Variants in PARD3B observed in about 807,000 individuals in gnomAD.
The protein encoded by PARD3B is partitioning defective 3 homolog B.
PARD3B carries 103 observed loss-of-function variants against 130.2 expected under a neutral mutation model. The ratio of observed to expected loss-of-function variants is 0.79; its 90% CI spans 0.67 to 0.93. PARD3B has a LOEUF of 0.93. Ranked by LOEUF, PARD3B falls within the 40% of genes least tolerant of loss-of-function variation. PARD3B has a pLI of 0.00. For synonymous variants in PARD3B, 583 were observed against 553.2 expected, an observed-to-expected ratio of 1.05 and a Z score of -0.76; for missense variants, 1,609 against 1,499.2, an observed-to-expected ratio of 1.07 and a Z score of -1.21.
At chr2:205,067,312 C>A (rs1700456456) in intron 4 of PARD3B, among the ~76,000 whole-genome samples, 2 of 151,660 alleles carry the variant, frequency 1.3e-5, no homozygotes. Flanking sequence ...ATGAGCATGT[C>A]ACCATACCTG....
rs1553542046 is a variant in PARD3B, at chr2:204,563,261, C to CTCTCTCTCTT, written c.120+17147_120+17148insCTCTTTCTCT. On this transcript the variant is annotated intron_variant, in intron 1 of 22. Transcript: ENST00000406610. ...TCTCTCTCTCTCTCTCTCTCTCTCTCTCTCTTTCTCTCTTCTCCCTTTATA... is the reference window on the plus strand; with the variant it reads ...TCTCTCTCTCTCTCTCTCTCTCTCTCTCTCTCTCTTTCTCTTTCTCTCTTCTCCCTTTATA... Among the ~76,000 whole-genome samples, 5 of 142,980 alleles carry CTCTCTCTCTT rather than the reference C, an allele frequency of 3.5e-5. No individual in the cohort carries two copies. The East Asian group carries it at 1.0e-3, about 29-fold the overall frequency. 93.8% of individuals were successfully genotyped at this position (142,980 alleles called of 152,430 possible). A position where few individuals can be genotyped will look rare whatever the true frequency, so the allele number is the denominator to read the frequency against.
intron 10 of PARD3B, among the ~76,000 whole-genome samples, chr2:205,133,524 C>T (rs1417105218): frequency 6.6e-6 from 1 of 152,090 alleles, no homozygotes; most frequent in Non-Finnish European, 1.5e-5. Flanking sequence ...AGTTTGAGAA[C>T]CATTGGAATA....
At chr2:204,764,167 T>C (rs577927748) in intron 2 of PARD3B, among the ~76,000 whole-genome samples, 1 of 152,248 alleles carries the variant, frequency 6.6e-6, no homozygotes, top group East Asian at 1.9e-4. Flanking sequence ...CAGTTGAATA[T>C]AGAGGCTTTT....
intron 2 of PARD3B, among the ~76,000 whole-genome samples, chr2:204,940,554 C>T (rs1688820853): frequency 6.7e-6 from 1 of 149,662 alleles, no homozygotes. Flanking sequence ...ACATGAATAT[C>T]ATTACAAAAA....
intron 13 of PARD3B, among the ~76,000 whole-genome samples, chr2:205,184,361 T>C (rs2035973088): frequency 6.6e-6 from 1 of 152,234 alleles, no homozygotes; most frequent in Non-Finnish European, 1.5e-5. Context: ...AATATGTCAC[T>C]GTAATAGATA....
intron 2 of PARD3B, among the ~76,000 whole-genome samples, chr2:204,800,905 G>A (rs2042543816): frequency 6.6e-6 from 1 of 152,108 alleles, no homozygotes; most frequent in Non-Finnish European, 1.5e-5. Flanking sequence ...ATAAGGAAGG[G>A]GTCCAGTTTC....
At chr2:205,468,702 A>G (rs1489953810) in intron 20 of PARD3B, among the ~76,000 whole-genome samples, 1 of 152,166 alleles carries the variant, frequency 6.6e-6, no homozygotes, top group Non-Finnish European at 1.5e-5. Context: ...GGTGAGCATC[A>G]GGTACTTCTC....
At chr2:204,866,705 G>A (rs886878003) in intron 2 of PARD3B, among the ~76,000 whole-genome samples, 1 of 151,574 alleles carries the variant, frequency 6.6e-6, no homozygotes, top group African/African-American at 2.4e-5. Context: ...ATATGTTTAT[G>A]TATGTATATG....
chr2:205,165,625 G>A (rs973354770), intron 11 of PARD3B, among the ~76,000 whole-genome samples: 5 of 151,616 alleles, frequency 3.3e-5, no homozygotes, highest in Non-Finnish European at 7.4e-5. Context: ...GGCTGAGGCA[G>A]GAGAATTGCT....
At chr2:204,763,511 G>A (rs1335864003) in intron 2 of PARD3B, among the ~76,000 whole-genome samples, 2 of 152,038 alleles carry the variant, frequency 1.3e-5, no homozygotes, top group African/African-American at 4.8e-5. Flanking sequence ...TACTAAAGTG[G>A]TTTCCATTAA....
intron 7 of PARD3B, among the ~76,000 whole-genome samples, chr2:205,120,029 A>G (rs1244400799): frequency 6.6e-6 from 1 of 152,104 alleles, no homozygotes; most frequent in Non-Finnish European, 1.5e-5. Flanking sequence ...CTCGCTGGGC[A>G]TTAGTTGTCA....
intron 22 of PARD3B, among the ~76,000 whole-genome samples, chr2:205,594,429 G>A (rs2054497984): frequency 6.6e-6 from 1 of 152,096 alleles, no homozygotes; most frequent in Admixed American, 6.5e-5. Flanking sequence ...TATTAGCAGA[G>A]GATGCAAACT....
chr2:205,385,703 C>A (rs1332394678), intron 18 of PARD3B, among the ~76,000 whole-genome samples: 4 of 152,050 alleles, frequency 2.6e-5, no homozygotes, highest in African/African-American at 9.7e-5. Context: ...TTTCTGACCC[C>A]CCTGACTCAA....
intron 15 of PARD3B, among the ~76,000 whole-genome samples, chr2:205,217,893 TA>T (rs1176713199): frequency 0.098 from 2,828 of 28,754 alleles, 71 homozygotes; most frequent in African/African-American, 0.13. Context: ...TATATATATA[TA>T]TTTTTTTTTT....
intron 4 of PARD3B, among the ~76,000 whole-genome samples, chr2:205,088,396 AGATT>A (rs1701872761): frequency 6.6e-6 from 1 of 152,174 alleles, no homozygotes; most frequent in South Asian, 2.1e-4. Context: ...GAAAATAAAT[AGATT>A]GTTATATTTC....
chr2:205,493,903 G>A (rs548017630), intron 20 of PARD3B, among the ~76,000 whole-genome samples: 124 of 152,082 alleles, frequency 8.2e-4, no homozygotes, highest in African/African-American at 2.9e-3. Flanking sequence ...GATTACAGGT[G>A]CATGCCACCA....
Position 205,160,960 on chromosome 2 carries a change from G to A in PARD3B, c.1620+2053G>A, listed in dbSNP as rs1242152372. 6.6e-6 allele frequency among the ~76,000 whole-genome samples: 1 copy of A among 152,134 alleles called. No individual in the cohort carries two copies. Among genetic ancestry groups the A allele is most frequent in the East Asian group, 1.9e-4 (1 of 5,186 alleles). On this transcript the variant is annotated intron_variant, in intron 11 of 22. Transcript: ENST00000406610. The surrounding 1 kb of genome is among the most constrained non-coding windows in gnomAD (Gnocchi z 4.0). Reference sequence around the variant, plus strand: ...TGTTCCTAGAGAGCAGGGCCTGTTCGCCTGGAGGTGTCTTGTATGGTGCTA... The same window carrying A: ...TGTTCCTAGAGAGCAGGGCCTGTTCACCTGGAGGTGTCTTGTATGGTGCTA...
At chr2:204,826,498 A>G (rs1424434789) in intron 2 of PARD3B, among the ~76,000 whole-genome samples, 1 of 152,202 alleles carries the variant, frequency 6.6e-6, no homozygotes, top group Non-Finnish European at 1.5e-5. Context: ...TTATGTATCT[A>G]TGGACTACCA....
At position 205,113,549 on chromosome 2, in the gene PARD3B, G is replaced by A; in HGVS notation, c.652G>A (p.Val218Met). 6.2e-7 allele frequency: 1 copy of A among 1,612,922 alleles called. No individual in the cohort carries two copies. The highest frequency in any genetic ancestry group is 1.1e-5 in the South Asian group (1 of 90,982). ...GEGGPLGIHV[V>M]PFFSSLSGRI... ...AGGAGGCCCATTGGGAATACATGTA[G>A]TGCCCTTCTTTTCATCTCTGAGTGG... is the stretch of plus-strand genomic sequence containing the variant. Residue 218 changes from valine to methionine, a missense_variant, in exon 6 of 23, where the codon GTG becomes ATG. Physicochemically the swap from Val to Met is conservative, Grantham distance 21. Coordinates refer to ENST00000406610, the MANE Select transcript of PARD3B (RefSeq NM_001302769.2).
Sources: gnomAD v4.1 joint callset for allele counts (sites outside exome capture counted in the v4.1 genomes callset) on GRCh38, gnomAD v4.1.1 for gene constraint, Gnocchi (gnomAD v3.1) non-coding constraint, MANE v1.5 for transcripts, NCBI Gene and HGNC (gene_info 2026-07-23, HGNC 2026-07-21) for gene names.